Variants in SEC63 observed in about 807,000 individuals in gnomAD.
SEC63 encodes the protein translocation protein SEC63 homolog.
SEC63 carries 56 observed loss-of-function variants against 116.2 expected under a neutral mutation model. The observed-to-expected ratio is 0.48, with a 90% CI of 0.39 to 0.60. SEC63 has a LOEUF of 0.60. Among genes scored for constraint, SEC63 ranks in the 20% least tolerant of loss-of-function variants. The probability of loss-of-function intolerance (pLI) is 0.00; values close to 1 mark genes in which losing one functional copy is unlikely to be tolerated. For missense variants in SEC63, 668 were observed against 900.0 expected (o/e 0.74, Z 3.30); for synonymous variants, 273 against 294.6 (o/e 0.93, Z 0.75).
intron 1 of SEC63, among the ~76,000 whole-genome samples, chr6:107,930,821 C>G (rs2114489973): frequency 6.7e-6 from 1 of 149,188 alleles, no homozygotes; most frequent in South Asian, 2.1e-4. Flanking sequence ...ATGGCAAAAC[C>G]CCATCTCTAC....
At chr6:107,910,286 C>A (rs1787244692) in intron 7 of SEC63, among the ~76,000 whole-genome samples, 1 of 151,912 alleles carries the variant, frequency 6.6e-6, no homozygotes, top group Non-Finnish European at 1.5e-5. Context: ...GGCAACGTGG[C>A]AAGACCCCAT....
intron 18 of SEC63, among the ~76,000 whole-genome samples, chr6:107,878,760 T>C (rs1026138503): frequency 2.0e-4 from 31 of 151,784 alleles, no homozygotes; most frequent in African/African-American, 7.3e-4. Context: ...GAGGCTGAGG[T>C]GGGAGAATCA....
intron 2 of SEC63, among the ~76,000 whole-genome samples, chr6:107,925,561 A>G (rs1348053300): frequency 6.6e-6 from 1 of 152,256 alleles, no homozygotes; most frequent in Non-Finnish European, 1.5e-5. Flanking sequence ...ATTTGAAAAT[A>G]AACTAATTTC....
intron 1 of SEC63, among the ~76,000 whole-genome samples, chr6:107,933,624 A>G (rs1787858722): frequency 6.6e-6 from 1 of 152,154 alleles, no homozygotes; most frequent in Admixed American, 6.5e-5. Flanking sequence ...AAAAGTGAAT[A>G]ACTACTTCAG....
intron 19 of SEC63, among the ~76,000 whole-genome samples, chr6:107,874,600 A>AG (rs1337243085): frequency 4.0e-5 from 6 of 151,292 alleles, no homozygotes; most frequent in African/African-American, 1.2e-4. Flanking sequence ...TGTCTCAAAA[A>AG]AAAAAAAAAA....
chr6:107,912,851 C>A, intron 5 of SEC63, 77 bp from the exon 6 acceptor site: 1 of 1,056,854 alleles, frequency 9.5e-7, no homozygotes, highest in Non-Finnish European at 1.4e-6. Context: ...TATTTGGGAT[C>A]TATAATATAT....
chr6:107,872,944 T>C lies in SEC63; in HGVS notation c.2035-32A>G, dbSNP rs759501151. On this transcript the variant is annotated intron_variant, in intron 19 of 20. Transcript: ENST00000369002. ...GATAAAATCAGCACTTAAAAATCTG[T>C]ATTATGGGGAGGAAACAGCTCACTC... 1.9e-5 allele frequency: 26 copies of C among 1,385,036 alleles called. No individual in the cohort carries two copies. In the South Asian group the frequency reaches 3.0e-4, roughly 16 times the overall value. The allele number at this position is 1,385,036 out of a possible 1,614,324, so 85.8% of individuals were successfully genotyped here.
intron 1 of SEC63, among the ~76,000 whole-genome samples, chr6:107,931,419 C>A (rs1787803382): frequency 6.6e-6 from 1 of 150,954 alleles, no homozygotes; most frequent in Non-Finnish European, 1.5e-5. Context: ...TAAGCCCAAG[C>A]AAAAATAGTA....
chr6:107,917,438 G>A (rs546104236), intron 4 of SEC63, among the ~76,000 whole-genome samples: 43 of 151,944 alleles, frequency 2.8e-4, no homozygotes, highest in Non-Finnish European at 3.5e-4. Context: ...AGCTGGTCTC[G>A]GCGGGCCTCT....
intron 2 of SEC63, among the ~76,000 whole-genome samples, chr6:107,928,759 G>A (rs781276076): frequency 6.6e-6 from 1 of 152,076 alleles, no homozygotes; most frequent in African/African-American, 2.4e-5. Flanking sequence ...AACTGATGAC[G>A]CAGGATAAAT....
At chr6:107,897,379 T>C (rs1786878484) in intron 14 of SEC63, among the ~76,000 whole-genome samples, 1 of 152,230 alleles carries the variant, frequency 6.6e-6, no homozygotes, top group Non-Finnish European at 1.5e-5. Context: ...TGTATAGCAC[T>C]TCACAGCTCA....
rs1158809969 is a variant in SEC63 at position 107,881,139 on chromosome 6, T to C, written c.1935+10A>G. 6 of 1,564,188 alleles carry C rather than the reference T, an allele frequency of 3.8e-6. No homozygotes were observed. The highest frequency in any genetic ancestry group is 2.7e-5 in the African/African-American group (2 of 73,886). On this transcript the variant is annotated intron_variant, in intron 18 of 20. Transcript: ENST00000369002. ...GGAATAAGGAACACAGTAGCCTGTA[T>C]ATAACTCACCTCAGGAAAGTAAAGG...
intron 17 of SEC63, among the ~76,000 whole-genome samples, chr6:107,881,456 C>T (rs116022311): frequency 1.5e-4 from 23 of 152,084 alleles, no homozygotes; most frequent in African/African-American, 5.5e-4. Context: ...ACTACATAGC[C>T]GTTCATTATC....
In SEC63 at chr6:107,906,685, G is replaced by C; in HGVS notation, c.826C>G (p.Gln276Glu). The stretch of plus-strand genomic sequence containing the variant: ...GGGATTTGGGAAATTAGCCTAACCT[G>C]TGGTATTAGAATATTATCCGTTGGT... The part of the protein sequence containing the change: ...SRPTDNILIP[Q>E]LIREIGSINL... Residue 276 changes from glutamine (Q) to glutamate (E), a missense_variant and splice_region_variant, in exon 9 of 21, where the codon CAG (glutamine) becomes GAG (glutamate). Physicochemically the swap from Gln to Glu is conservative, Grantham distance 29 (BLOSUM62 2). Around this residue, in one of 5 missense-constraint regions of SEC63, gnomAD observed 430 missense variants for 557.5 expected, o/e 0.77. Coordinates refer to ENST00000369002, the MANE Select transcript of SEC63 (RefSeq NM_007214.5). 1 of 1,612,682 alleles carries C rather than the reference G, an allele frequency of 6.2e-7. No individual in the cohort carries two copies. The highest frequency in any genetic ancestry group is 1.1e-5 in the South Asian group (1 of 91,052).
At position 107,935,806 on chromosome 6, in the gene SEC63, TAAAATAAAATAAAG is replaced by T. The variant is rs1252065676; in HGVS notation, c.125-6306_125-6293del. ...ATCAATTAAAAAAAATAAAATAAAATAAAATAAAATAAAGAAACACATCAATTAAATGTTATGTG... is the reference window on the plus strand; with the variant it reads ...ATCAATTAAAAAAAATAAAATAAAATAAACACATCAATTAAATGTTATGTG... On this transcript the variant is annotated intron_variant, in intron 1 of 20. Coordinates refer to ENST00000369002, the MANE Select transcript of SEC63 (RefSeq NM_007214.5). Among the ~76,000 whole-genome samples, 4 of 151,972 alleles carry T rather than the reference TAAAATAAAATAAAG, an allele frequency of 2.6e-5. No homozygotes were observed. The East Asian group carries it at 5.8e-4, about 22-fold the overall frequency.
rs368240347 is a variant in SEC63, at chr6:107,887,264, C to T, written c.1675-4118G>A. On this transcript the variant is annotated intron_variant, in intron 16 of 20. Coordinates refer to ENST00000369002, the MANE Select transcript of SEC63 (RefSeq NM_007214.5). ...CATTACTGGGTATATACCCAAAGGA[C>T]TATAAATCATGCTGCTATAAAGACA... 8.4e-4 allele frequency among the ~76,000 whole-genome samples: 123 copies of T among 147,144 alleles called. 1 individual carries two copies. The East Asian group carries it at 0.022, about 26-fold the overall frequency.
At chr6:107,953,278 T>C (rs1770617163) in intron 1 of SEC63, among the ~76,000 whole-genome samples, 2 of 152,208 alleles carry the variant, frequency 1.3e-5, no homozygotes, top group East Asian at 1.9e-4. Context: ...AAAATACTTA[T>C]ATATGCTGTT....
At chr6:107,949,403 T>C (rs972656975) in intron 1 of SEC63, among the ~76,000 whole-genome samples, 2 of 151,784 alleles carry the variant, frequency 1.3e-5, no homozygotes, top group African/African-American at 4.8e-5. Context: ...ACTTTGAGAG[T>C]CCGAGACATA....
At chr6:107,903,276 T>C (rs764006675) in intron 11 of SEC63, among the ~76,000 whole-genome samples, 1 of 152,086 alleles carries the variant, frequency 6.6e-6, no homozygotes, top group Non-Finnish European at 1.5e-5. Flanking sequence ...ATCACCAACA[T>C]ATGACACCAT....
Sources: gnomAD v4.1 joint callset for allele counts (sites outside exome capture counted in the v4.1 genomes callset) on GRCh38, gnomAD v4.1.1 for gene constraint, gnomAD v4.1.1 regional missense constraint, MANE v1.5 for transcripts, NCBI Gene and HGNC (gene_info 2026-07-23, HGNC 2026-07-21) for gene names.